Variants in ADCY8 observed in about 807,000 individuals in gnomAD.
ADCY8 encodes the protein adenylate cyclase 8.
ADCY8 carries 51 observed loss-of-function variants against 119.7 expected under a neutral mutation model. That is an observed-to-expected ratio of 0.43 (90% CI 0.34 to 0.54). The LOEUF (loss-of-function observed/expected upper bound fraction) is 0.54, where lower values mean the gene tolerates loss of function less well. Ranked by LOEUF, ADCY8 falls within the 20% of genes least tolerant of loss-of-function variation. The pLI is 0.03. For synonymous variants in ADCY8, 665 were observed against 651.0 expected (o/e 1.02, Z -0.33); for missense variants, 1,383 against 1,598.8 (o/e 0.87, Z 2.30).
At chr8:130,821,207 AG>A in intron 13 of ADCY8, 134 bp downstream of exon 13, 3 of 634,632 alleles carry the variant, frequency 4.7e-6, no homozygotes, top group Non-Finnish European at 8.2e-6. Flanking sequence ...GGTCTTTATT[AG>A]GAATTGATTC....
At chr8:130,807,889 C>T (rs1816020165) in intron 14 of ADCY8, among the ~76,000 whole-genome samples, 1 of 135,894 alleles carries the variant, frequency 7.4e-6, no homozygotes. Context: ...GAGGCTGAGG[C>T]AGGAGAATGG....
intron 2 of ADCY8, among the ~76,000 whole-genome samples, chr8:130,954,745 T>C (rs1821375413): frequency 1.3e-5 from 2 of 152,358 alleles, no homozygotes; most frequent in South Asian, 4.1e-4. Flanking sequence ...TAGCAAAGAA[T>C]TGAAACCAAA....
chr8:130,812,060 G>C (rs1816185489), intron 14 of ADCY8, among the ~76,000 whole-genome samples: 1 of 152,074 alleles, frequency 6.6e-6, no homozygotes, highest in Non-Finnish European at 1.5e-5. Context: ...TATCCTAAAG[G>C]TGTCTGTAAT....
At chr8:130,893,657 G>GGTGTGTGTGT (rs113157821) in intron 7 of ADCY8, among the ~76,000 whole-genome samples, 5 of 148,996 alleles carry the variant, frequency 3.4e-5, no homozygotes, top group African/African-American at 1.2e-4. Flanking sequence ...GGGAGAAGAA[G>GGTGTGTGTGT]GTGTGTGTGT....
chr8:130,943,608 G>C, intron 3 of ADCY8, 146 bp from the exon 4 acceptor site: 1 of 610,870 alleles, frequency 1.6e-6, no homozygotes, highest in South Asian at 2.0e-5. Context: ...GAGTCAGGAG[G>C]AATGTCTCAG....
intron 14 of ADCY8, among the ~76,000 whole-genome samples, chr8:130,812,738 G>T (rs903477702): frequency 8.5e-5 from 13 of 152,130 alleles, no homozygotes; most frequent in African/African-American, 3.1e-4. Context: ...GAACATTAAT[G>T]AGCATTTGCT....
At chr8:130,856,347 A>G (rs974363845) in intron 9 of ADCY8, among the ~76,000 whole-genome samples, 4 of 151,724 alleles carry the variant, frequency 2.6e-5, no homozygotes, top group African/African-American at 9.7e-5. Context: ...TCCAGCACAA[A>G]CTGTCACACT....
intron 9 of ADCY8, among the ~76,000 whole-genome samples, chr8:130,850,074 C>G (rs764853495): frequency 2.0e-5 from 3 of 152,080 alleles, no homozygotes; most frequent in Non-Finnish European, 2.9e-5. Flanking sequence ...ATTTTTGTCA[C>G]TAGGCAATTG....
chr8:130,884,812 T>TAAAACA (rs1818917100), intron 7 of ADCY8, 51 bp from the exon 8 acceptor site: 1 of 1,551,682 alleles, frequency 6.4e-7, no homozygotes. Flanking sequence ...CCCCTTTAGA[T>TAAAACA]AAAACAGAAA....
intron 12 of ADCY8, among the ~76,000 whole-genome samples, chr8:130,829,532 G>A (rs1816766784): frequency 1.3e-5 from 2 of 152,180 alleles, no homozygotes; most frequent in Non-Finnish European, 2.9e-5. Flanking sequence ...ACAATAGTTG[G>A]TTGTTTAAAA....
At chr8:130,941,921 A>G (rs1173735838) in intron 4 of ADCY8, among the ~76,000 whole-genome samples, 2 of 152,188 alleles carry the variant, frequency 1.3e-5, no homozygotes, top group African/African-American at 4.8e-5. Context: ...CACCTTCTTG[A>G]CAAATTCAAA....
chr8:130,797,356 T>C (rs886067656), intron 15 of ADCY8, among the ~76,000 whole-genome samples: 2 of 152,174 alleles, frequency 1.3e-5, no homozygotes, highest in African/African-American at 2.4e-5. Flanking sequence ...TGCTATAAAG[T>C]TTAAAATACA....
At chr8:130,801,916 T>G (rs1005989230) in intron 14 of ADCY8, among the ~76,000 whole-genome samples, 8 of 150,782 alleles carry the variant, frequency 5.3e-5, no homozygotes, top group Non-Finnish European at 1.0e-4. Context: ...TTTTTTTTTT[T>G]TTTGCTTCTC....
chr8:130,814,314 C>T (rs905960895), intron 13 of ADCY8, 87 bp from the exon 14 acceptor site: 2 of 1,422,680 alleles, frequency 1.4e-6, no homozygotes, highest in African/African-American at 2.8e-5. Context: ...GCAGGAAAGG[C>T]TTCTCTGGAA....
At chr8:130,936,588 C>T (rs1820794579) in intron 5 of ADCY8, among the ~76,000 whole-genome samples, 1 of 152,158 alleles carries the variant, frequency 6.6e-6, no homozygotes, top group Non-Finnish European at 1.5e-5. Flanking sequence ...CTGTCAATGT[C>T]CACCCACCTT....
intron 1 of ADCY8, among the ~76,000 whole-genome samples, chr8:131,009,962 T>G (rs1009291944): frequency 3.3e-5 from 5 of 152,268 alleles, no homozygotes; most frequent in African/African-American, 9.6e-5. Flanking sequence ...GCCAAGAGAT[T>G]ACCATACCTA....
chr8:130,996,946 A>G (rs1822796885), intron 1 of ADCY8, among the ~76,000 whole-genome samples: 3 of 152,160 alleles, frequency 2.0e-5, no homozygotes, highest in Non-Finnish European at 4.4e-5. Flanking sequence ...ATCTGTCTTT[A>G]GGAGATCATC....
chr8:130,947,469 G>A (rs552806937), intron 3 of ADCY8, among the ~76,000 whole-genome samples: 3 of 152,166 alleles, frequency 2.0e-5, no homozygotes, highest in Non-Finnish European at 2.9e-5. Flanking sequence ...AAGTTTTTAC[G>A]AATCTGGAAG....
chr8:130,834,853 T>C (rs768140856), intron 12 of ADCY8, among the ~76,000 whole-genome samples: 22 of 152,210 alleles, frequency 1.4e-4, no homozygotes, highest in Non-Finnish European at 2.5e-4. Flanking sequence ...TGTGTATGTA[T>C]ACATTATATA....
Sources: allele counts gnomAD v4.1 joint callset (sites outside exome capture counted in the v4.1 genomes callset), GRCh38; gene constraint gnomAD v4.1.1; transcripts MANE v1.5; gene names NCBI Gene and HGNC (gene_info 2026-07-23, HGNC 2026-07-21).